SLC35C1: variants seen among roughly 807,000 people sequenced by gnomAD.
SLC35C1 encodes GDP-fucose transporter 1.
A neutral mutation model predicts 23.2 loss-of-function variants in SLC35C1; 8 were observed. The ratio of observed to expected loss-of-function variants is 0.35; its 90% CI spans 0.20 to 0.62. The LOEUF is 0.62. SLC35C1 is among the 20% of genes least tolerant of loss of function. The pLI, the probability that SLC35C1 is intolerant of heterozygous loss-of-function variation, is 0.75. For missense variants in SLC35C1, 422 were observed against 478.6 expected, an observed-to-expected ratio of 0.88 and a Z score of 1.10; for synonymous variants, 226 against 225.1, an observed-to-expected ratio of 1.00 and a Z score of -0.04.
rs531733394 is a variant in SLC35C1, at chr11:45,807,227, G to A, written c.535+891G>A. Reference sequence around the variant, plus strand: ...GCCTGTGCTTCTATCCCCTCTGCTCGTCTTGGAGGTTAGAACTGCAGTATT... The same window carrying A: ...GCCTGTGCTTCTATCCCCTCTGCTCATCTTGGAGGTTAGAACTGCAGTATT... On this transcript the variant is annotated intron_variant, in intron 1 of 1. Transcript: ENST00000314134. 8.5e-5 allele frequency among the ~76,000 whole-genome samples: 13 copies of A among 152,304 alleles called. No individual in the cohort carries two copies. In the South Asian group the frequency reaches 1.2e-3, roughly 15 times the overall value.
chr11:45,811,310 G>A lies in SLC35C1; in HGVS notation c.1070G>A (p.Ser357Asn), dbSNP rs1456201215. 2.0e-6 allele frequency: 3 copies of A among 1,534,998 alleles called. No homozygotes were observed. Among genetic ancestry groups the A allele is most frequent in the Non-Finnish European group, 1.7e-6 (2 of 1,150,182 alleles). ...KTPEEPSPKD[S>N]EKSAMGV Reference sequence around the variant, plus strand: ...CCGGAGGAGCCCAGCCCCAAAGACAGCGAGAAGAGCGCCATGGGGGTGTGA... The same window carrying A: ...CCGGAGGAGCCCAGCCCCAAAGACAACGAGAAGAGCGCCATGGGGGTGTGA... The change falls in exon 2 of 2, where the codon AGC becomes AAC. Residue 357 changes from serine to asparagine, a missense_variant. By Grantham distance (46) the Ser-to-Asn change is conservative (BLOSUM62 1). Transcript: ENST00000314134.
At position 45,806,072 on chromosome 11, in the gene SLC35C1, C is replaced by T. The variant is rs2085870198; in HGVS notation, c.271C>T (p.Leu91Phe). The T allele has an allele frequency of 1.2e-6, 2 of 1,612,608 alleles. No individual in the cohort carries two copies. The highest frequency in any genetic ancestry group is 1.7e-6 in the Non-Finnish European group (2 of 1,179,972). Residue 91 changes from leucine (L) to phenylalanine (F), a missense_variant, in exon 1 of 2, where the codon CTC becomes TTC. By Grantham distance (22) the Leu-to-Phe change is conservative. Coordinates refer to ENST00000314134, the MANE Select transcript of SLC35C1 (RefSeq NM_018389.5). ...GGTGACCACGCTGCTGTGCAAAGGC[C>T]TCAGCGCTCTGGCCGCCTGCTGCCC... The part of the protein sequence containing the change: ...CLVTTLLCKG[L>F]SALAACCPGA...
At chr11:45,804,925 C>G, upstream of SLC35C1, 6 of 985,532 alleles carry the variant, frequency 6.1e-6, no homozygotes, top group Non-Finnish European at 7.2e-6. Flanking sequence ...TTGATGGAGC[C>G]CTTCCAGGAA....
rs1048191279 is a variant in SLC35C1 at position 45,809,863 on chromosome 11, C to T, written c.536-913C>T. The T allele has an allele frequency of 1.7e-5, 17 of 985,288 alleles. No homozygotes were observed. In the Admixed American group the frequency reaches 7.4e-4, roughly 43 times the overall value. The allele number at this position is 985,288 out of a possible 1,614,324, so 61.0% of individuals were successfully genotyped here. ...AAAAAGACCAGACTGTCACCATGGG[C>T]AGGGGCCCAGCAGCCCAGAGCAGGC... On this transcript the variant is annotated intron_variant, in intron 1 of 1. Coordinates refer to ENST00000314134, the MANE Select transcript of SLC35C1 (RefSeq NM_018389.5).
upstream of SLC35C1, chr11:45,804,810 C>A: frequency 2.0e-6 from 2 of 985,686 alleles, no homozygotes; most frequent in Non-Finnish European, 2.4e-6. Context: ...TAGCGCCGCC[C>A]GGGTCCTGGG....
At chr11:45,808,480 G>A (rs1414573058) in intron 1 of SLC35C1, among the ~76,000 whole-genome samples, 2 of 152,134 alleles carry the variant, frequency 1.3e-5, no homozygotes, top group African/African-American at 2.4e-5. Context: ...CAGCCTGGGC[G>A]ACAGAGCAAG....
In SLC35C1 at chr11:45,812,775, C is replaced by G; in HGVS notation, c.*1440C>G. 2.4e-6 allele frequency: 1 copy of G among 420,204 alleles called. No individual in the cohort carries two copies. Among genetic ancestry groups the G allele is most frequent in the Non-Finnish European group, 4.8e-6 (1 of 207,174 alleles). The allele number at this position is 420,204 out of a possible 1,614,324, so 26.0% of individuals were successfully genotyped here. On this transcript the variant is annotated 3_prime_UTR_variant, in exon 2 of 2. Transcript: ENST00000314134. ...ACACAAATTTCGGGGCCATACCACC[C>G]TTCACCACACCCTCCTGCGCTCAGG...
chr11:45,809,895 C>T, intron 1 of SLC35C1: 1 of 985,414 alleles, frequency 1.0e-6, no homozygotes, highest in Non-Finnish European at 1.2e-6. Context: ...AGGCAAGGGG[C>T]TTTGCAGGAA....
chr11:45,810,506 T>G (rs561341740), intron 1 of SLC35C1: 399 of 985,426 alleles, frequency 4.0e-4, no homozygotes, highest in Middle Eastern at 5.2e-4. Context: ...AAGAAGTAAC[T>G]GGGAAGATTT....
chr11:45,810,485 A>G (rs1047029800), intron 1 of SLC35C1: 1 of 985,254 alleles, frequency 1.0e-6, no homozygotes, highest in African/African-American at 1.7e-5. Flanking sequence ...CAATTCTTAC[A>G]ATTGTAATTA....
In SLC35C1 at chr11:45,812,149, G is replaced by T. The variant is rs1018373470; in HGVS notation, c.*814G>T. ...CACCTGGCCCAGGTAACAGCCTTCT[G>T]AAAGCAGAGCCAAGGAGCTGCTTCT... On this transcript the variant is annotated 3_prime_UTR_variant, in exon 2 of 2. Coordinates refer to ENST00000314134, the MANE Select transcript of SLC35C1 (RefSeq NM_018389.5). The T allele has an allele frequency of 1.6e-5, 3 of 191,792 alleles. No homozygotes were observed. The East Asian group carries it at 3.5e-4, about 22-fold the overall frequency. 11.9% of individuals were successfully genotyped at this position (191,792 alleles called of 1,614,324 possible).
At chr11:45,804,987 G>A, upstream of SLC35C1, 2 of 985,770 alleles carry the variant, frequency 2.0e-6, no homozygotes, top group Non-Finnish European at 2.4e-6. Context: ...GAGGTCCCCC[G>A]CCAGCAGCGG....
upstream of SLC35C1, chr11:45,804,969 T>C (rs2085851029): frequency 1.0e-6 from 1 of 985,592 alleles, no homozygotes; most frequent in African/African-American, 1.7e-5. Context: ...GAAAAACCTG[T>C]GGCTGCCGAG....
intron 1 of SLC35C1, among the ~76,000 whole-genome samples, chr11:45,808,859 C>T (rs1350601063): frequency 2.6e-5 from 4 of 152,110 alleles, no homozygotes; most frequent in African/African-American, 4.8e-5. Flanking sequence ...AAAAATTAGC[C>T]AGGCATGGTG....
rs1258436273 is a variant in SLC35C1 at position 45,812,404 on chromosome 11, T to G, written c.*1069T>G. 4 of 379,144 alleles carry G rather than the reference T, an allele frequency of 1.1e-5. No individual in the cohort carries two copies. The highest frequency in any genetic ancestry group is 2.1e-5 in the Non-Finnish European group (4 of 189,950). 23.5% of individuals were successfully genotyped at this position (379,144 alleles called of 1,614,324 possible). On this transcript the variant is annotated 3_prime_UTR_variant, in exon 2 of 2. Transcript: ENST00000314134. ...AGAGCCTGCTTGGCCCCACTGTTAG[T>G]CCAGCGAGCTCCTATATCAAAATGC...
chr11:45,809,984 T>G, intron 1 of SLC35C1: 2 of 984,534 alleles, frequency 2.0e-6, no homozygotes. Flanking sequence ...CCTTGACAGA[T>G]GAGTAGAATC....
rs751828447 is a variant in SLC35C1, at chr11:45,811,112, C to G, written c.872C>G (p.Thr291Ser). ...GTGACAGGACTGCAGATCAAGTTCA[C>G]CAGTCCGCTGACCCACAATGTGTCG... ...GYVTGLQIKF[T>S]SPLTHNVSGT... The change falls in exon 2 of 2, where the codon ACC becomes AGC. Residue 291 changes from threonine to serine, a missense_variant. Coordinates refer to ENST00000314134, the MANE Select transcript of SLC35C1 (RefSeq NM_018389.5). The G allele has an allele frequency of 6.2e-7, 1 of 1,613,120 alleles. No homozygotes were observed. Among genetic ancestry groups the G allele is most frequent in the Non-Finnish European group, 8.5e-7 (1 of 1,180,048 alleles).
chr11:45,812,555 G>A lies in SLC35C1; in HGVS notation c.*1220G>A. The A allele has an allele frequency of 2.2e-6, 1 of 456,030 alleles. No homozygotes were observed. The highest frequency in any genetic ancestry group is 1.5e-5 in the South Asian group (1 of 64,552). 28.2% of individuals were successfully genotyped at this position (456,030 alleles called of 1,614,324 possible). On this transcript the variant is annotated 3_prime_UTR_variant, in exon 2 of 2. Coordinates refer to ENST00000314134, the MANE Select transcript of SLC35C1 (RefSeq NM_018389.5). ...AGGGCTGTTTCCCGATCCATAGATGGTGCCTTCTCGCTGTATCCTCAATGG... is the reference window on the plus strand; with the variant it reads ...AGGGCTGTTTCCCGATCCATAGATGATGCCTTCTCGCTGTATCCTCAATGG...
chr11:45,810,998 A>G lies in SLC35C1; in HGVS notation c.758A>G (p.Gln253Arg), dbSNP rs2085936355. 1 of 1,612,852 alleles carries G rather than the reference A, an allele frequency of 6.2e-7. No individual in the cohort carries two copies. Among genetic ancestry groups the G allele is most frequent in the African/African-American group, 1.3e-5 (1 of 75,068 alleles). Residue 253 changes from glutamine to arginine, a missense_variant, in exon 2 of 2, where the codon CAG (glutamine) becomes CGG (arginine). By Grantham distance (43) the Gln-to-Arg change is conservative (BLOSUM62 1). Coordinates refer to ENST00000314134, the MANE Select transcript of SLC35C1 (RefSeq NM_018389.5). ...LPLLLLLGEL[Q>R]ALRDFAQLGS... ...CTGCTCCTGCTGCTCGGGGAGCTTC[A>G]GGCCCTGCGTGACTTTGCCCAGCTG...
Sources: gnomAD v4.1 joint callset for allele counts (sites outside exome capture counted in the v4.1 genomes callset) on GRCh38, gnomAD v4.1.1 for gene constraint, MANE v1.5 for transcripts, NCBI Gene and HGNC (gene_info 2026-07-23, HGNC 2026-07-21) for gene names.